The following MCAM variants were observed in gnomAD, a reference collection of about 807,000 sequenced individuals.
MCAM encodes the protein cell surface glycoprotein MUC18.
Under a neutral mutation model 79.1 loss-of-function variants are expected in MCAM, and 55 were observed. That is an observed-to-expected ratio of 0.70 (90% CI 0.56 to 0.87). The LOEUF (loss-of-function observed/expected upper bound fraction) is 0.87, where lower values mean the gene tolerates loss of function less well. MCAM is among the 40% of genes least tolerant of loss of function. The pLI, the probability that MCAM is intolerant of heterozygous loss-of-function variation, is 0.00. For missense variants in MCAM, 745 were observed against 839.8 expected (o/e 0.89, Z 1.40); for synonymous variants, 330 against 339.8 (o/e 0.97, Z 0.32).
chr11:119,313,501 A>G, intron 5 of MCAM: 1 of 379,426 alleles, frequency 2.6e-6, no homozygotes, highest in South Asian at 2.3e-5. Context: ...TCCCGGCTTC[A>G]AGTGATTCTC....
At position 119,316,228 on chromosome 11, in the gene MCAM, C is replaced by G. The variant is rs1425493126; in HGVS notation, c.67+807G>C. On this transcript the variant is annotated intron_variant, in intron 1 of 15. Transcript: ENST00000264036. This position sits in a 1 kb window ranked among gnomAD's most constrained non-coding sequence, Gnocchi z 4.8. ...GAGCTGGGTATTGCCTAGCCCTCCC[C>G]TTCCCCAGCCGGACAGCGGCTGGGA... 6.6e-6 allele frequency: 1 copy of G among 152,280 alleles called. No homozygotes were observed. Among genetic ancestry groups the G allele is most frequent in the Non-Finnish European group, 1.5e-5 (1 of 68,070 alleles). The allele number at this position is 152,280 out of a possible 1,614,324, so 9.4% of individuals were successfully genotyped here.
intron 15 of MCAM, 144 bp from the exon 16 acceptor site, chr11:119,310,059 G>A: frequency 1.4e-6 from 1 of 730,602 alleles, no homozygotes; most frequent in Non-Finnish European, 2.3e-6. Flanking sequence ...GGCATGGCAG[G>A]CCAGGGAAGG....
rs1387160687 is a variant in MCAM, at chr11:119,312,498, C to T, written c.861+29G>A. On this transcript the variant is annotated intron_variant, in intron 7 of 15. Transcript: ENST00000264036. The surrounding 1 kb of genome is among the most constrained non-coding windows in gnomAD (Gnocchi z 4.9). ...CCACCTGGGTCTCTGCTTGCATCCC[C>T]ACCTGCACCCAGCACAAAGCCCCCA... 3 of 1,614,072 alleles carry T rather than the reference C, an allele frequency of 1.9e-6. No individual in the cohort carries two copies. The highest frequency in any genetic ancestry group is 2.5e-6 in the Non-Finnish European group (3 of 1,180,008).
chr11:119,310,933 C>T (rs534354769), intron 13 of MCAM, 30 bp from the exon 14 acceptor site: 4 of 1,614,120 alleles, frequency 2.5e-6, no homozygotes, highest in Middle Eastern at 1.6e-4. Context: ...CTCGTCACTC[C>T]CTGCCCCAGG....
intron 5 of MCAM, chr11:119,313,272 G>C: frequency 7.3e-7 from 1 of 1,365,182 alleles, no homozygotes; most frequent in Non-Finnish European, 9.6e-7. Context: ...TGGAAAACTT[G>C]GCAGTAAGCA....
rs924462958 is a variant in MCAM at position 119,308,714 on chromosome 11, C to T, written c.*1172G>A. On this transcript the variant is annotated 3_prime_UTR_variant, in exon 16 of 16. Coordinates refer to ENST00000264036, the MANE Select transcript of MCAM (RefSeq NM_006500.3). ...GCTCTAGCCAGGCCCGTTTTCCATC[C>T]CTAAGTACCATTCTCTCATTTGGGC... 5 of 152,068 alleles carry T rather than the reference C, an allele frequency of 3.3e-5. No individual in the cohort carries two copies. The highest frequency in any genetic ancestry group is 5.9e-5 in the Non-Finnish European group (4 of 68,026). The allele number at this position is 152,068 out of a possible 1,614,324, so 9.4% of individuals were successfully genotyped here. A position where few individuals can be genotyped will look rare whatever the true frequency, so the allele number is the denominator to read the frequency against.
At position 119,312,196 on chromosome 11, in the gene MCAM, C is replaced by A; in HGVS notation, c.1025-26G>T. The A allele has an allele frequency of 6.2e-7, 1 of 1,610,868 alleles. No individual in the cohort carries two copies. The highest frequency in any genetic ancestry group is 1.1e-5 in the South Asian group (1 of 90,632). On this transcript the variant is annotated intron_variant, in intron 8 of 15. Transcript: ENST00000264036. This position sits in a 1 kb window ranked among gnomAD's most constrained non-coding sequence, Gnocchi z 4.9. ...CTGGGGGTACAGCAATCATGTCACC[C>A]AGGGCAGGGTGGGGCCAGTTCCCTA...
intron 13 of MCAM, 86 bp from the exon 14 acceptor site, chr11:119,310,989 A>G: frequency 6.2e-7 from 1 of 1,613,544 alleles, no homozygotes; most frequent in Non-Finnish European, 8.5e-7. Context: ...GGCCGACAAG[A>G]TGGGGCTGCT....
In MCAM at chr11:119,315,582, G is replaced by A; in HGVS notation, c.68-319C>T. The A allele has an allele frequency of 2.8e-6, 1 of 356,946 alleles. No homozygotes were observed. The highest frequency in any genetic ancestry group is 2.1e-5 in the African/African-American group (1 of 48,764). 22.1% of individuals were successfully genotyped at this position (356,946 alleles called of 1,614,324 possible). A position where few individuals can be genotyped will look rare whatever the true frequency, so the allele number is the denominator to read the frequency against. On this transcript the variant is annotated intron_variant, in intron 1 of 15. Coordinates refer to ENST00000264036, the MANE Select transcript of MCAM (RefSeq NM_006500.3). This position sits in a 1 kb window ranked among gnomAD's most constrained non-coding sequence, Gnocchi z 4.4. ...AAGAGGAAGGCCCCTTTCCTTCCAGGCCCCCTCCTCTCCGGGTGAGCTCAG... is the reference window on the plus strand; with the variant it reads ...AAGAGGAAGGCCCCTTTCCTTCCAGACCCCCTCCTCTCCGGGTGAGCTCAG...
At chr11:119,313,094 C>T (rs752158277) in intron 5 of MCAM, 145 bp from the exon 6 acceptor site, 16 of 1,540,240 alleles carry the variant, frequency 1.0e-5, no homozygotes, top group Non-Finnish European at 1.3e-5. Context: ...AGCTGGAAAC[C>T]CTTCAACCCA....
rs369352240 is a variant in MCAM, at chr11:119,312,994, T to G, written c.560-45A>C. 1.2e-6 allele frequency: 2 copies of G among 1,611,978 alleles called. No individual in the cohort carries two copies. The highest frequency in any genetic ancestry group is 4.5e-5 in the East Asian group (2 of 44,882). ...AGGAAGACTCAGCCTCAGCCCCACC[T>G]CCAGCCCCACCCTAGGGTTGTCCAC... On this transcript the variant is annotated intron_variant, in intron 5 of 15. Coordinates refer to ENST00000264036, the MANE Select transcript of MCAM (RefSeq NM_006500.3). This position sits in a 1 kb window ranked among gnomAD's most constrained non-coding sequence, Gnocchi z 4.9.
chr11:119,310,717 CA>C, intron 14 of MCAM, 38 bp downstream of exon 14: 1 of 1,598,152 alleles, frequency 6.3e-7, no homozygotes, highest in Non-Finnish European at 8.5e-7. Context: ...GGCTGGGTGG[CA>C]AAACGGGCGG....
In MCAM at chr11:119,312,703, A is replaced by AG; in HGVS notation, c.740-56dup. The AG allele has an allele frequency of 6.2e-7, 1 of 1,613,618 alleles. No homozygotes were observed. The highest frequency in any genetic ancestry group is 8.5e-7 in the Non-Finnish European group (1 of 1,179,640). On this transcript the variant is annotated intron_variant, in intron 6 of 15. Coordinates refer to ENST00000264036, the MANE Select transcript of MCAM (RefSeq NM_006500.3). The surrounding 1 kb of genome is among the most constrained non-coding windows in gnomAD (Gnocchi z 4.9). ...CCATGAGTCAACCCTGGGCTGGATA[A>AG]GGGGGAGCCAGCAGGAGTTTCCAGC... is the stretch of plus-strand genomic sequence containing the variant.
In MCAM at chr11:119,315,224, A is replaced by C; in HGVS notation, c.107T>G (p.Val36Gly). Residue 36 changes from valine (V) to glycine (G), a missense_variant, in exon 2 of 16, where the codon GTG (valine) becomes GGG (glycine). Physicochemically the swap from Val to Gly is moderately radical, Grantham distance 109. Transcript: ENST00000264036. The surrounding 1 kb of genome is among the most constrained non-coding windows in gnomAD (Gnocchi z 4.4). ...GGCTGTGCTGCCCACTTCCACCTCC[A>C]CCAGCTCAGGCGCAGGCTGCTCAGC... ...GEAEQPAPEL[V>G]EVEVGSTALL... 3.1e-6 allele frequency: 5 copies of C among 1,612,404 alleles called. No homozygotes were observed. Among genetic ancestry groups the C allele is most frequent in the Non-Finnish European group, 4.2e-6 (5 of 1,179,936 alleles).
rs1950301207 is a variant in MCAM, at chr11:119,315,562, G to A, written c.68-299C>T. 1.2e-5 allele frequency: 5 copies of A among 404,132 alleles called. No homozygotes were observed. The South Asian group carries it at 1.4e-4, about 12-fold the overall frequency. The allele number at this position is 404,132 out of a possible 1,614,324, so 25.0% of individuals were successfully genotyped here. On this transcript the variant is annotated intron_variant, in intron 1 of 15. Coordinates refer to ENST00000264036, the MANE Select transcript of MCAM (RefSeq NM_006500.3). The surrounding 1 kb of genome is among the most constrained non-coding windows in gnomAD (Gnocchi z 4.4). ...GGCAACCTAGGCTCGGGGCCAAGAG[G>A]AAGGCCCCTTTCCTTCCAGGCCCCC... is the stretch of plus-strand genomic sequence containing the variant.
Position 119,312,907 on chromosome 11 carries a change from A to C in MCAM, c.602T>G (p.Leu201Trp). The change falls in exon 6 of 16, where the codon TTG becomes TGG. Residue 201 changes from leucine (L) to tryptophan (W), a missense_variant. By Grantham distance (61) the Leu-to-Trp change is moderately conservative (BLOSUM62 -2). Transcript: ENST00000264036. The surrounding 1 kb of genome is among the most constrained non-coding windows in gnomAD (Gnocchi z 4.9). ...QSSQTVESSGLYTLQSILKAQ... is the reference protein window; with the variant it reads ...QSSQTVESSGWYTLQSILKAQ... The stretch of plus-strand genomic sequence containing the variant: ...CTTCAGAATACTCTGCAAGGTGTAC[A>C]AACCACTCGACTCCACAGTCTGGGA... The C allele has an allele frequency of 6.2e-7, 1 of 1,614,170 alleles. No homozygotes were observed. Among genetic ancestry groups the C allele is most frequent in the Non-Finnish European group, 8.5e-7 (1 of 1,180,028 alleles).
intron 5 of MCAM, chr11:119,313,414 T>C (rs1002787158): frequency 1.2e-5 from 11 of 885,654 alleles, no homozygotes; most frequent in South Asian, 8.7e-5. Context: ...TTTTTTTTTT[T>C]CAGACAGAGT....
Position 119,310,472 on chromosome 11 carries a change from A to AGGAG in MCAM, c.1794-10_1794-7dup. 2 of 1,571,590 alleles carry AGGAG rather than the reference A, an allele frequency of 1.3e-6. No individual in the cohort carries two copies. The highest frequency in any genetic ancestry group is 2.2e-5 in the South Asian group (2 of 90,102). ...TACGAGACGGGGGTAGCGTGCTGGGAGGAGGGAGGGAGGTGAGAGGTTGGT... is the reference window on the plus strand; with the variant it reads ...TACGAGACGGGGGTAGCGTGCTGGGAGGAGGGAGGGAGGGAGGTGAGAGGTTGGT... On this transcript the variant is annotated splice_polypyrimidine_tract_variant and splice_region_variant and intron_variant, in intron 14 of 15. Coordinates refer to ENST00000264036, the MANE Select transcript of MCAM (RefSeq NM_006500.3).
rs112408235 is a variant in MCAM at position 119,310,463 on chromosome 11, C to T, written c.1797G>A (p.Thr599=). 29 of 1,597,702 alleles carry T rather than the reference C, an allele frequency of 1.8e-5. No individual in the cohort carries two copies. In the African/African-American group the frequency reaches 2.9e-4, roughly 16 times the overall value. ...GTTCGCTCTTACGAGACGGGGGTAGCGTGCTGGGAGGAGGGAGGGAGGTGA... is the reference window on the plus strand; with the variant it reads ...GTTCGCTCTTACGAGACGGGGGTAGTGTGCTGGGAGGAGGGAGGGAGGTGA... The part of the protein sequence containing the change: ...PCRRSGKQEI[T]LPPSRKSELV... The change falls in exon 15 of 16, where the codon ACG becomes ACA. Residue 599 remains threonine, a synonymous_variant. Coordinates refer to ENST00000264036, the MANE Select transcript of MCAM (RefSeq NM_006500.3).
Sources: allele counts gnomAD v4.1 joint callset, GRCh38; gene constraint gnomAD v4.1.1; non-coding constraint Gnocchi (gnomAD v3.1); transcripts MANE v1.5; gene names NCBI Gene and HGNC (gene_info 2026-07-23, HGNC 2026-07-21).